FAM227B: variants seen among roughly 807,000 people sequenced by gnomAD.
FAM227B encodes the protein protein FAM227B.
Under a neutral mutation model 73.8 loss-of-function variants are expected in FAM227B, and 88 were observed. The observed-to-expected ratio is 1.19, with a 90% CI of 1.00 to 1.42. The LOEUF (loss-of-function observed/expected upper bound fraction) is 1.42, where lower values mean the gene tolerates loss of function less well. Among genes scored for constraint, FAM227B ranks in the 40% most tolerant of loss-of-function variants. The pLI is 0.00. For missense variants in FAM227B, 632 were observed against 590.9 expected (o/e 1.07, Z -0.72); for synonymous variants, 210 against 190.5 (o/e 1.10, Z -0.84).
intron 3 of FAM227B, among the ~76,000 whole-genome samples, chr15:49,592,815 T>G (rs112206055): frequency 0.031 from 4,698 of 152,320 alleles, 266 homozygotes; most frequent in African/African-American, 0.11. Context: ...ATAGAGGCAG[T>G]AGGCCTTGCT....
In FAM227B at chr15:49,365,157, G is replaced by A. The variant is rs541737727; in HGVS notation, c.1271+2291C>T. On this transcript the variant is annotated intron_variant, in intron 13 of 15. Transcript: ENST00000299338. ...ACAATCTGTTCACCAGACATCACAG[G>A]GTTTTCTTCGTTTTTTGCATAATAC... 60 of 748,456 alleles carry A rather than the reference G, an allele frequency of 8.0e-5. No homozygotes were observed. In the South Asian group the frequency reaches 8.8e-4, roughly 11 times the overall value. 46.4% of individuals were successfully genotyped at this position (748,456 alleles called of 1,614,324 possible).
chr15:49,373,717 T>G (rs2045986102), intron 11 of FAM227B, among the ~76,000 whole-genome samples: 1 of 152,124 alleles, frequency 6.6e-6, no homozygotes, highest in African/African-American at 2.4e-5. Context: ...GTAAGTATGG[T>G]TATTGCTATC....
intron 11 of FAM227B, among the ~76,000 whole-genome samples, chr15:49,428,795 G>A (rs1033890968): frequency 1.3e-5 from 2 of 151,924 alleles, no homozygotes; most frequent in African/African-American, 4.8e-5. Context: ...TGATTATAAT[G>A]AAGCACTGTT....
At chr15:49,482,457 T>G (rs990887601) in intron 11 of FAM227B, among the ~76,000 whole-genome samples, 2 of 152,130 alleles carry the variant, frequency 1.3e-5, no homozygotes, top group African/African-American at 4.8e-5. Context: ...CAAAATACTA[T>G]CAGTTTAAAA....
intron 5 of FAM227B, among the ~76,000 whole-genome samples, chr15:49,580,766 G>A (rs916859120): frequency 1.6e-4 from 25 of 152,136 alleles, no homozygotes; most frequent in Admixed American, 1.4e-3. Flanking sequence ...GCTGAAAGTT[G>A]AAATGATAAT....
At chr15:49,343,397 T>C (rs565282923) in intron 13 of FAM227B, among the ~76,000 whole-genome samples, 1 of 152,272 alleles carries the variant, frequency 6.6e-6, no homozygotes, top group East Asian at 1.9e-4. Context: ...CTAAGATGTG[T>C]ATCTCTTACT....
chr15:49,516,928 A>T (rs2059416055), intron 10 of FAM227B, among the ~76,000 whole-genome samples: 1 of 152,174 alleles, frequency 6.6e-6, no homozygotes, highest in Non-Finnish European at 1.5e-5. Flanking sequence ...ATGTGATATG[A>T]GATCAGACAC....
chr15:49,572,472 C>T (rs2075174263), intron 8 of FAM227B, among the ~76,000 whole-genome samples: 1 of 151,892 alleles, frequency 6.6e-6, no homozygotes, highest in Non-Finnish European at 1.5e-5. Context: ...AAGGTATTTT[C>T]TGATTTCCTT....
chr15:49,611,114 C>T, intron 3 of FAM227B, 101 bp downstream of exon 3: 1 of 684,406 alleles, frequency 1.5e-6, no homozygotes, highest in South Asian at 2.0e-5. Context: ...AAACATATTT[C>T]TGAAATTTCT....
At chr15:49,589,282 GAT>G (rs1598410744) in intron 4 of FAM227B, among the ~76,000 whole-genome samples, 1 of 151,872 alleles carries the variant, frequency 6.6e-6, no homozygotes. Flanking sequence ...GACCCTTACT[GAT>G]ATGTTTGTTT....
chr15:49,583,670 A>C (rs1156873724), intron 5 of FAM227B, among the ~76,000 whole-genome samples: 2 of 151,472 alleles, frequency 1.3e-5, no homozygotes, highest in African/African-American at 4.9e-5. Context: ...AAAAAAAAAA[A>C]TTATATGGGG....
At chr15:49,389,172 G>GA (rs978464377) in intron 11 of FAM227B, among the ~76,000 whole-genome samples, 3 of 151,834 alleles carry the variant, frequency 2.0e-5, no homozygotes, top group Non-Finnish European at 4.4e-5. Context: ...GTCATTATAT[G>GA]AAAAAGACAC....
chr15:49,328,567 C>T lies in FAM227B; in HGVS notation c.*1G>A. ...TGAATAGAGTTCATTTCTGGTTTCTCTTAGTATTCTTCTTCCTCAAAGTTG... is the reference window on the plus strand; with the variant it reads ...TGAATAGAGTTCATTTCTGGTTTCTTTTAGTATTCTTCTTCCTCAAAGTTG... On this transcript the variant is annotated 3_prime_UTR_variant, in exon 16 of 16. Transcript: ENST00000299338. 1 of 1,604,612 alleles carries T rather than the reference C, an allele frequency of 6.2e-7. No individual in the cohort carries two copies. The highest frequency in any genetic ancestry group is 8.5e-7 in the Non-Finnish European group (1 of 1,173,776).
chr15:49,611,971 G>A (rs2077954226), intron 2 of FAM227B, among the ~76,000 whole-genome samples: 1 of 150,320 alleles, frequency 6.7e-6, no homozygotes, highest in South Asian at 2.1e-4. Context: ...TTTCTCCGTG[G>A]TAACATACAG....
chr15:49,498,889 G>T (rs188063782), intron 11 of FAM227B, among the ~76,000 whole-genome samples: 3 of 152,104 alleles, frequency 2.0e-5, no homozygotes, highest in African/African-American at 7.2e-5. Context: ...ATTACAGGCC[G>T]GGCGCGGTGG....
intron 9 of FAM227B, among the ~76,000 whole-genome samples, chr15:49,553,466 C>T (rs1222993059): frequency 6.6e-6 from 1 of 152,218 alleles, no homozygotes; most frequent in Non-Finnish European, 1.5e-5. Context: ...TGGGGCTCTA[C>T]AATCAGCAAG....
chr15:49,395,981 T>TG (rs1567204225), intron 11 of FAM227B: 2 of 455,850 alleles, frequency 4.4e-6, no homozygotes, highest in Non-Finnish European at 8.8e-6. Context: ...TTACCAAAAC[T>TG]GGGGGCGAGG....
chr15:49,451,177 T>A (rs1168864814), intron 11 of FAM227B, among the ~76,000 whole-genome samples: 2 of 152,094 alleles, frequency 1.3e-5, no homozygotes, highest in Non-Finnish European at 2.9e-5. Flanking sequence ...ATATGGATAC[T>A]TACATATAAA....
intron 13 of FAM227B, among the ~76,000 whole-genome samples, chr15:49,350,318 G>A (rs942949447): frequency 6.6e-6 from 1 of 152,146 alleles, no homozygotes; most frequent in Non-Finnish European, 1.5e-5. Context: ...CACATGGCTA[G>A]TGGCTACCAT....
Sources: gnomAD v4.1 joint callset for allele counts (sites outside exome capture counted in the v4.1 genomes callset) on GRCh38, gnomAD v4.1.1 for gene constraint, MANE v1.5 for transcripts, NCBI Gene and HGNC (gene_info 2026-07-23, HGNC 2026-07-21) for gene names.